The following NACA variants were observed in gnomAD, a reference collection of about 807,000 sequenced individuals.
The protein encoded by NACA is nascent polypeptide associated complex subunit alpha.
A neutral mutation model predicts 86.4 loss-of-function variants in NACA; 42 were observed. The ratio of observed to expected loss-of-function variants is 0.49; its 90% CI spans 0.38 to 0.63. NACA has a LOEUF of 0.63. NACA is among the 20% of genes least tolerant of loss of function. The pLI, the probability that NACA is intolerant of heterozygous loss-of-function variation, is 0.00. For missense variants in NACA, 2,157 were observed against 2,483.6 expected (o/e 0.87, Z 2.80); for synonymous variants, 898 against 973.7 (o/e 0.92, Z 1.45).
Position 56,720,629 on chromosome 12 carries a change from A to T in NACA, c.901T>A (p.Phe301Ile). 1 of 1,613,968 alleles carries T rather than the reference A, an allele frequency of 6.2e-7. No individual in the cohort carries two copies. The highest frequency in any genetic ancestry group is 1.6e-4 in the Middle Eastern group (1 of 6,062). The change falls in exon 3 of 9, where the codon TTT becomes ATT. Residue 301 changes from phenylalanine (F) to isoleucine (I), a missense_variant. Physicochemically the swap from Phe to Ile is conservative, Grantham distance 21. This residue lies in a region of NACA where 947 missense variants were observed against 917.9 expected (regional missense o/e 1.03). Coordinates refer to ENST00000454682, the MANE Select transcript of NACA (RefSeq NM_001365896.1). ...KTAGPNTPPD[F>I]PISLGSHLAP... The stretch of plus-strand genomic sequence containing the variant: ...AGATGAGAGCCCAGAGAAATGGGAA[A>T]ATCTGGGGGGGTGTTGGGACCCGCA...
intron 2 of NACA, 43 bp from the exon 3 acceptor site, chr12:56,721,502 G>T: frequency 1.7e-6 from 2 of 1,209,676 alleles, no homozygotes; most frequent in Non-Finnish European, 2.3e-6. Flanking sequence ...GGAGGGGGAG[G>T]AGAAAAAAGG....
At position 56,716,489 on chromosome 12, in the gene NACA, G is replaced by A; in HGVS notation, c.5041C>T (p.Leu1681=). Residue 1681 remains leucine, a synonymous_variant, in exon 3 of 9, where the codon CTG becomes TTG. Coordinates refer to ENST00000454682, the MANE Select transcript of NACA (RefSeq NM_001365896.1). ...GCTGGGGCAACAAGTACTTCTTTCAGAGCTGTGGGGCCTTTCTTTGCTGGA... is the reference window on the plus strand; with the variant it reads ...GCTGGGGCAACAAGTACTTCTTTCAAAGCTGTGGGGCCTTTCTTTGCTGGA... The part of the protein sequence containing the change: ...GLPAKKGPTA[L]KEVLVAPAPE... The A allele has an allele frequency of 2.6e-6, 4 of 1,529,246 alleles. No individual in the cohort carries two copies. The highest frequency in any genetic ancestry group is 3.6e-6 in the Non-Finnish European group (4 of 1,126,516). The allele number at this position is 1,529,246 out of a possible 1,614,324, so 94.7% of individuals were successfully genotyped here. A position where few individuals can be genotyped will look rare whatever the true frequency, so the allele number is the denominator to read the frequency against.
At chr12:56,715,176 C>G (rs916739576) in intron 3 of NACA, among the ~76,000 whole-genome samples, 19 of 152,296 alleles carry the variant, frequency 1.2e-4, no homozygotes, top group African/African-American at 4.3e-4. Flanking sequence ...AAAGCAGACA[C>G]GTACACATAT....
At chr12:56,713,829 G>GT in intron 5 of NACA, 146 bp from the exon 6 acceptor site, 1 of 818,950 alleles carries the variant, frequency 1.2e-6, no homozygotes, top group Non-Finnish European at 1.9e-6. Context: ...TTCTGCCGTA[G>GT]TAACTTCTGT....
Position 56,716,293 on chromosome 12 carries a change from GA to G in NACA, c.5236del (p.Ser1746GlnfsTer28). 6.2e-7 allele frequency: 1 copy of G among 1,613,276 alleles called. No homozygotes were observed. The highest frequency in any genetic ancestry group is 8.5e-7 in the Non-Finnish European group (1 of 1,179,814). ...AGCATCTTTGCCTTTTGCTGTCTTTGAAGAGTCTTTCTGAACAGGGAGTAGA... is the reference window on the plus strand; with the variant it reads ...AGCATCTTTGCCTTTTGCTGTCTTTGAGAGTCTTTCTGAACAGGGAGTAGA... ...APLLPVQKDS[S>X]KTAKGKDASH... On this transcript the variant is annotated frameshift_variant, in exon 3 of 9. Coordinates refer to ENST00000454682, the MANE Select transcript of NACA (RefSeq NM_001365896.1). LOFTEE classifies it high-confidence loss of function.
intron 2 of NACA, 103 bp downstream of exon 2, chr12:56,724,349 C>T: frequency 8.6e-7 from 1 of 1,156,136 alleles, no homozygotes; most frequent in Non-Finnish European, 1.2e-6. Context: ...GGTAAAGCTG[C>T]AACCCCATCC....
chr12:56,720,254 G>T lies in NACA; in HGVS notation c.1276C>A (p.Pro426Thr), dbSNP rs372189050. ...GAAACGGGCATTTGGGCCACTAAAG[G>T]ATAATGATAAGTGGCATTAGGAGAG... ...KSSPNATYHY[P>T]LVAQMPVSSV... is the part of the protein sequence containing the mutation. Residue 426 changes from proline (P) to threonine (T), a missense_variant, in exon 3 of 9, where the codon CCT (proline) becomes ACT (threonine). Coordinates refer to ENST00000454682, the MANE Select transcript of NACA (RefSeq NM_001365896.1). 4.9e-5 allele frequency: 79 copies of T among 1,613,948 alleles called. No individual in the cohort carries two copies. In the African/African-American group the frequency reaches 9.6e-4, roughly 20 times the overall value.
Position 56,720,278 on chromosome 12 carries a change from A to G in NACA, c.1252T>C (p.Ser418Pro). 6.2e-7 allele frequency: 1 copy of G among 1,613,816 alleles called. No individual in the cohort carries two copies. Among genetic ancestry groups the G allele is most frequent in the Non-Finnish European group, 8.5e-7 (1 of 1,179,856 alleles). Reference protein sequence around the residue: ...SPTTSLILKSSPNATYHYPLV... With the variant: ...SPTTSLILKSPPNATYHYPLV... The stretch of plus-strand genomic sequence containing the variant: ...GGATAATGATAAGTGGCATTAGGAG[A>G]GCTTTTGAGAATGAGAGAGGTTGTA... Residue 418 changes from serine (S) to proline (P), a missense_variant, in exon 3 of 9, where the codon TCT (serine) becomes CCT (proline). Transcript: ENST00000454682.
chr12:56,719,216 T>C lies in NACA; in HGVS notation c.2314A>G (p.Thr772Ala), dbSNP rs773064419. 1.4e-5 allele frequency: 21 copies of C among 1,497,418 alleles called. No homozygotes were observed. Among genetic ancestry groups the C allele is most frequent in the Non-Finnish European group, 1.0e-5 (11 of 1,105,228 alleles). The allele number at this position is 1,497,418 out of a possible 1,614,324, so 92.8% of individuals were successfully genotyped here. A position where few individuals can be genotyped will look rare whatever the true frequency, so the allele number is the denominator to read the frequency against. The change falls in exon 3 of 9, where the codon ACT becomes GCT. Residue 772 changes from threonine (T) to alanine (A), a missense_variant. Thr to Ala is a moderately conservative substitution (Grantham distance 58). Transcript: ENST00000454682. ...GTAGCAGAAGCACCAGAGTCCTCAG[T>C]TGGGCACTCTTTGGGAGAGGAAGCA... ...PVASSPKECP[T>A]EDSGASATAS...
intron 3 of NACA, 34 bp from the exon 4 acceptor site, chr12:56,714,721 T>G (rs369596188): frequency 2.5e-6 from 4 of 1,590,872 alleles, no homozygotes; most frequent in African/African-American, 2.7e-5. Flanking sequence ...TGCTTTATAG[T>G]AGAAATTATA....
At position 56,716,111 on chromosome 12, in the gene NACA, C is replaced by A. The variant is rs763580591; in HGVS notation, c.5419G>T (p.Val1807Phe). 16 of 1,613,310 alleles carry A rather than the reference C, an allele frequency of 9.9e-6. No individual in the cohort carries two copies. Among genetic ancestry groups the A allele is most frequent in the Non-Finnish European group, 1.3e-5 (15 of 1,179,704 alleles). The part of the protein sequence containing the change: ...PVSLPLAPSP[V>F]PTLPPKQQFL... ...TGCTGTTTAGGAGGCAGAGTGGGAA[C>A]TGGGGAGGGAGCAAGAGGCAGAGAG... is the stretch of plus-strand genomic sequence containing the variant. Residue 1807 changes from valine to phenylalanine, a missense_variant, in exon 3 of 9, where the codon GTT becomes TTT. Coordinates refer to ENST00000454682, the MANE Select transcript of NACA (RefSeq NM_001365896.1).
Position 56,717,424 on chromosome 12 carries a change from G to C in NACA, c.4106C>G (p.Pro1369Arg). 1 of 1,383,896 alleles carries C rather than the reference G, an allele frequency of 7.2e-7. No homozygotes were observed. Among genetic ancestry groups the C allele is most frequent in the African/African-American group, 1.5e-5 (1 of 68,540 alleles). The allele number at this position is 1,383,896 out of a possible 1,614,324, so 85.7% of individuals were successfully genotyped here. The stretch of plus-strand genomic sequence containing the variant: ...GGAGGGGGTTGCAGCTGGGGGAGTG[G>C]GGCCCTCTTTGGAGGATGGAGTAGT... Reference protein sequence around the residue: ...GPTTPSSKEGPTPPAATPSHK... With the variant: ...GPTTPSSKEGRTPPAATPSHK... Residue 1369 changes from proline (P) to arginine (R), a missense_variant, in exon 3 of 9, where the codon CCC (proline) becomes CGC (arginine). Physicochemically the swap from Pro to Arg is moderately radical, Grantham distance 103. Coordinates refer to ENST00000454682, the MANE Select transcript of NACA (RefSeq NM_001365896.1).
chr12:56,714,334 A>C, intron 5 of NACA, 28 bp downstream of exon 5: 1 of 1,609,570 alleles, frequency 6.2e-7, no homozygotes, highest in South Asian at 1.1e-5. Context: ...GTGCTTCATA[A>C]GATCCTGAAA....
Position 56,719,768 on chromosome 12 carries a change from C to A in NACA, c.1762G>T (p.Ala588Ser). ...CCAAGGCTTTTCTTTGCTAGGGTGG[C>A]TTCAGGAGAAAGAGGTATCTCTGGA... ...SSPEIPLSPE[A>S]TLAKKSLGEP... The change falls in exon 3 of 9, where the codon GCC (alanine) becomes TCC (serine). Residue 588 changes from alanine to serine, a missense_variant. By Grantham distance (99) the Ala-to-Ser change is moderately conservative. Transcript: ENST00000454682. 3 of 1,613,806 alleles carry A rather than the reference C, an allele frequency of 1.9e-6. No individual in the cohort carries two copies. The highest frequency in any genetic ancestry group is 2.5e-6 in the Non-Finnish European group (3 of 1,179,866).
Position 56,721,459 on chromosome 12 carries a change from GCTGGAGAAA to G in NACA, c.71-9_71-1del. 1 of 1,489,568 alleles carries G rather than the reference GCTGGAGAAA, an allele frequency of 6.7e-7. No individual in the cohort carries two copies. The highest frequency in any genetic ancestry group is 8.9e-7 in the Non-Finnish European group (1 of 1,124,982). 92.3% of individuals were successfully genotyped at this position (1,489,568 alleles called of 1,614,324 possible). A position where few individuals can be genotyped will look rare whatever the true frequency, so the allele number is the denominator to read the frequency against. On this transcript the variant is annotated splice_acceptor_variant and splice_polypyrimidine_tract_variant and intron_variant, in intron 2 of 8. Coordinates refer to ENST00000454682, the MANE Select transcript of NACA (RefSeq NM_001365896.1). LOFTEE classifies it high-confidence loss of function. ...CAAGGCTGAAGACATAGGTAGCACA[GCTGGAGAAA>G]GGCAAAAGGAGATAAAGAAAGGGGG...
At chr12:56,723,837 T>C (rs1953638658) in intron 2 of NACA, among the ~76,000 whole-genome samples, 1 of 152,166 alleles carries the variant, frequency 6.6e-6, no homozygotes, top group South Asian at 2.1e-4. Context: ...GCCTTCACAG[T>C]CGTTAATTTC....
Position 56,719,027 on chromosome 12 carries a change from A to G in NACA, c.2503T>C (p.Phe835Leu). Reference sequence around the variant, plus strand: ...AAAGAAAGACTATTCTCTGGAAGAAATGAAGCTTCAACTGGAGAAACAGGG... The same window carrying G: ...AAAGAAAGACTATTCTCTGGAAGAAGTGAAGCTTCAACTGGAGAAACAGGG... The part of the protein sequence containing the change: ...SSPVSPVEAS[F>L]LPENSLSFQG... The change falls in exon 3 of 9, where the codon TTT becomes CTT. Residue 835 changes from phenylalanine (F) to leucine (L), a missense_variant. Physicochemically the swap from Phe to Leu is conservative, Grantham distance 22. Coordinates refer to ENST00000454682, the MANE Select transcript of NACA (RefSeq NM_001365896.1). The G allele has an allele frequency of 2.1e-6, 3 of 1,447,934 alleles. No homozygotes were observed. Among genetic ancestry groups the G allele is most frequent in the Non-Finnish European group, 2.8e-6 (3 of 1,071,640 alleles). 89.7% of individuals were successfully genotyped at this position (1,447,934 alleles called of 1,614,324 possible). A position where few individuals can be genotyped will look rare whatever the true frequency, so the allele number is the denominator to read the frequency against.
rs776875298 is a variant in NACA, at chr12:56,719,371, G to A, written c.2159C>T (p.Pro720Leu). The change falls in exon 3 of 9, where the codon CCT becomes CTT. Residue 720 changes from proline (P) to leucine (L), a missense_variant. Pro to Leu is a moderately conservative substitution (Grantham distance 98). This residue lies in a region of NACA where 947 missense variants were observed against 917.9 expected (regional missense o/e 1.03). Transcript: ENST00000454682. ...VAPSPQNTCA[P>L]LATLVLAPEI... Reference sequence around the variant, plus strand: ...AGGGGCCAGCACTAAGGTAGCCAGAGGAGCACAGGTATTCTGGGGGGATGG... The same window carrying A: ...AGGGGCCAGCACTAAGGTAGCCAGAAGAGCACAGGTATTCTGGGGGGATGG... The A allele has an allele frequency of 6.2e-7, 1 of 1,610,624 alleles. No individual in the cohort carries two copies. The highest frequency in any genetic ancestry group is 1.7e-5 in the Admixed American group (1 of 59,782).
chr12:56,723,556 C>G (rs1424461125), intron 2 of NACA, among the ~76,000 whole-genome samples: 1 of 152,122 alleles, frequency 6.6e-6, no homozygotes, highest in East Asian at 1.9e-4. Context: ...GTATTAATCC[C>G]TTCAGCTGTT....
Sources: gnomAD v4.1 joint callset for allele counts (sites outside exome capture counted in the v4.1 genomes callset) on GRCh38, gnomAD v4.1.1 for gene constraint, gnomAD v4.1.1 regional missense constraint, MANE v1.5 for transcripts, NCBI Gene and HGNC (gene_info 2026-07-23, HGNC 2026-07-21) for gene names.